CADPS2: variants seen among roughly 807,000 people sequenced by gnomAD.
The protein encoded by CADPS2 is calcium dependent secretion activator 2.
CADPS2 carries 93 observed loss-of-function variants against 172.5 expected under a neutral mutation model. The ratio of observed to expected loss-of-function variants is 0.54; its 90% confidence interval spans 0.46 to 0.64. The LOEUF is 0.64. CADPS2 is among the 30% of genes least tolerant of loss of function. The pLI, the probability that CADPS2 is intolerant of heterozygous loss-of-function variation, is 0.00. For missense variants in CADPS2, 1,420 were observed against 1,565.9 expected, an observed-to-expected ratio of 0.91 and a Z score of 1.57; for synonymous variants, 546 against 555.2, an observed-to-expected ratio of 0.98 and a Z score of 0.23.
intron 25 of CADPS2, among the ~76,000 whole-genome samples, chr7:122,377,122 T>C (rs1213513595): frequency 6.6e-6 from 1 of 152,062 alleles, no homozygotes; most frequent in Non-Finnish European, 1.5e-5. Context: ...AAATATAATA[T>C]CCAGTATTAT....
At chr7:122,708,442 GTA>G (rs1225951854) in intron 2 of CADPS2, among the ~76,000 whole-genome samples, 10 of 110,894 alleles carry the variant, frequency 9.0e-5, no homozygotes, top group Admixed American at 3.3e-4. Context: ...ATATGTGTGT[GTA>G]TATATATATG....
intron 25 of CADPS2, among the ~76,000 whole-genome samples, chr7:122,371,563 AGG>A (rs1323657225): frequency 2.0e-5 from 3 of 152,180 alleles, no homozygotes; most frequent in East Asian, 3.9e-4. Context: ...TGGGGATTAT[AGG>A]GATTATAATT....
intron 8 of CADPS2, among the ~76,000 whole-genome samples, chr7:122,538,303 G>A (rs1397275798): frequency 6.7e-6 from 1 of 149,188 alleles, no homozygotes; most frequent in African/African-American, 2.4e-5. Context: ...AAGCAGAGAT[G>A]TGAAATTTGG....
At chr7:122,645,681 A>ATATATATATATCTATCTCTC (rs796988558) in intron 3 of CADPS2, among the ~76,000 whole-genome samples, 6 of 116,824 alleles carry the variant, frequency 5.1e-5, no homozygotes, top group African/African-American at 1.9e-4. Context: ...ATATATATAT[A>ATATATATATATCTATCTCTC]TCTTGGGATT....
chr7:122,768,237 C>G (rs2093612626), intron 1 of CADPS2, among the ~76,000 whole-genome samples: 1 of 152,158 alleles, frequency 6.6e-6, no homozygotes, highest in East Asian at 1.9e-4. Context: ...ACATTTCCTA[C>G]CTTCATTCCA....
chr7:122,726,004 A>T (rs934764207), intron 2 of CADPS2, among the ~76,000 whole-genome samples: 6 of 150,064 alleles, frequency 4.0e-5, no homozygotes, highest in Non-Finnish European at 8.9e-5. Flanking sequence ...AACAGTTTGA[A>T]TTTTTTTTTT....
chr7:122,714,566 A>G (rs2089305091), intron 2 of CADPS2, among the ~76,000 whole-genome samples: 1 of 152,094 alleles, frequency 6.6e-6, no homozygotes, highest in Non-Finnish European at 1.5e-5. Context: ...GAAGGACCCA[A>G]AAATTTGCTT....
intron 6 of CADPS2, among the ~76,000 whole-genome samples, chr7:122,592,997 A>T (rs1037044243): frequency 1.3e-5 from 2 of 151,302 alleles, no homozygotes; most frequent in Non-Finnish European, 2.9e-5. Context: ...TGAATAAATA[A>T]ATAAATAAAT....
intron 1 of CADPS2, among the ~76,000 whole-genome samples, chr7:122,790,963 G>A (rs1014429902): frequency 1.3e-5 from 2 of 152,088 alleles, no homozygotes; most frequent in Non-Finnish European, 2.9e-5. Context: ...CCCAAAATAC[G>A]AAAGCAAAGG....
At chr7:122,736,330 A>G (rs1187234032) in intron 2 of CADPS2, among the ~76,000 whole-genome samples, 1 of 152,196 alleles carries the variant, frequency 6.6e-6, no homozygotes, top group Admixed American at 6.5e-5. Flanking sequence ...AAAGGAATCC[A>G]TTCCCTCAAA....
chr7:122,613,782 A>G (rs1295539904), intron 6 of CADPS2, among the ~76,000 whole-genome samples: 1 of 151,964 alleles, frequency 6.6e-6, no homozygotes, highest in Non-Finnish European at 1.5e-5. Flanking sequence ...ATATACTGTG[A>G]CTAGGTCACA....
chr7:122,840,485 A>G (rs925700924), intron 1 of CADPS2, among the ~76,000 whole-genome samples: 8 of 152,006 alleles, frequency 5.3e-5, no homozygotes, highest in Admixed American at 2.0e-4. Flanking sequence ...ACTCACATAT[A>G]TCCTTTCAAA....
chr7:122,618,144 A>T (rs1331531940), intron 5 of CADPS2, among the ~76,000 whole-genome samples: 2 of 151,902 alleles, frequency 1.3e-5, no homozygotes, highest in African/African-American at 4.8e-5. Flanking sequence ...TTGAACATTT[A>T]ACATTATTGA....
intron 20 of CADPS2, among the ~76,000 whole-genome samples, chr7:122,398,158 GC>G (rs2045420397): frequency 6.6e-6 from 1 of 152,102 alleles, no homozygotes; most frequent in Non-Finnish European, 1.5e-5. Flanking sequence ...ATATGAAAAA[GC>G]CTCTTTCATT....
At chr7:122,637,201 T>A (rs1324291208) in intron 3 of CADPS2, among the ~76,000 whole-genome samples, 1 of 62,466 alleles carries the variant, frequency 1.6e-5, no homozygotes, top group East Asian at 7.5e-4. Flanking sequence ...TTTTTTTTTT[T>A]TTTTTTTCCT....
intron 1 of CADPS2, among the ~76,000 whole-genome samples, chr7:122,851,062 T>C (rs1209655943): frequency 6.6e-6 from 1 of 152,230 alleles, no homozygotes; most frequent in African/African-American, 2.4e-5. Flanking sequence ...ATCACTGTAA[T>C]GAGTTATAAT....
chr7:122,393,242 G>C lies in CADPS2; in HGVS notation c.2962C>G (p.Pro988Ala). 1 of 1,613,814 alleles carries C rather than the reference G, an allele frequency of 6.2e-7. No individual in the cohort carries two copies. The highest frequency in any genetic ancestry group is 8.5e-7 in the Non-Finnish European group (1 of 1,179,770). ...PSLPLNLPQIPNISTASWMPS... is the reference protein window; with the variant it reads ...PSLPLNLPQIANISTASWMPS... ...ATCCACGAAGCAGTAGAAATGTTAG[G>C]AATCTGTGGAAGATTAAGAGGCAGA... Residue 988 changes from proline (P) to alanine (A), a missense_variant, in exon 22 of 30, where the codon CCT (proline) becomes GCT (alanine). By Grantham distance (27) the Pro-to-Ala change is conservative. Coordinates refer to ENST00000449022, the MANE Select transcript of CADPS2 (RefSeq NM_017954.11).
At chr7:122,867,479 A>G (rs1170392717) in intron 1 of CADPS2, among the ~76,000 whole-genome samples, 4 of 152,184 alleles carry the variant, frequency 2.6e-5, no homozygotes, top group African/African-American at 9.7e-5. Context: ...CTCCCAGCTT[A>G]TTCTTGAAGG....
chr7:122,480,989 A>G (rs1299707236), intron 11 of CADPS2, 129 bp from the exon 12 acceptor site: 1 of 806,894 alleles, frequency 1.2e-6, no homozygotes, highest in Admixed American at 3.6e-5. Context: ...TTGTTTTTCT[A>G]AAAGACCATC....
Sources: gnomAD v4.1 joint callset for allele counts (sites outside exome capture counted in the v4.1 genomes callset) on GRCh38, gnomAD v4.1.1 for gene constraint, MANE v1.5 for transcripts, NCBI Gene and HGNC (gene_info 2026-07-23, HGNC 2026-07-21) for gene names.